Variants in CD276 observed in about 807,000 individuals in gnomAD.
CD276 encodes the protein CD276 antigen.
In CD276, 34 loss-of-function variants were observed where a neutral mutation model predicts 50.0. The ratio of observed to expected loss-of-function variants is 0.68; its 90% CI spans 0.52 to 0.91. The LOEUF is 0.91. Ranked by LOEUF, CD276 falls within the 40% of genes least tolerant of loss-of-function variation. The pLI, the probability that CD276 is intolerant of heterozygous loss-of-function variation, is 0.00. For missense variants in CD276, 634 were observed against 717.5 expected (o/e 0.88, Z 1.33); for synonymous variants, 275 against 313.0 (o/e 0.88, Z 1.28).
rs1281486680 is a variant in CD276, at chr15:73,713,004, TG to T, written c.*50del. 4.4e-6 allele frequency: 7 copies of T among 1,582,638 alleles called. No individual in the cohort carries two copies. Among genetic ancestry groups the T allele is most frequent in the Non-Finnish European group, 6.1e-6 (7 of 1,152,756 alleles). ...ACCCCTCCCTACAGCTCCTACCCTC[TG>T]GCTGCAATGGGGCTGCACTGTGAGC... On this transcript the variant is annotated 3_prime_UTR_variant, in exon 10 of 10. Coordinates refer to ENST00000318443, the MANE Select transcript of CD276 (RefSeq NM_001024736.2).
At chr15:73,685,276 AGC>A (rs1899701919) in intron 1 of CD276, among the ~76,000 whole-genome samples, 1 of 152,050 alleles carries the variant, frequency 6.6e-6, no homozygotes, top group African/African-American at 2.4e-5. Flanking sequence ...ATTGAATTCC[AGC>A]GCCCAGGGCC....
At chr15:73,689,188 CTGTG>C (rs58196751) in intron 1 of CD276, among the ~76,000 whole-genome samples, 8,030 of 142,488 alleles carry the variant, frequency 0.056, 217 homozygotes, top group Non-Finnish European at 0.064. Flanking sequence ...TCTGTGCCTC[CTGTG>C]TGTGTGTGTG....
rs570507606 is a variant in CD276, at chr15:73,705,566, G to A, written c.1369+1094G>A. ...AAGATGGAAAACACTCCCTTCCTGTGCTCTCCAGGAGAGAGTAGCTGCCCT... is the reference window on the plus strand; with the variant it reads ...AAGATGGAAAACACTCCCTTCCTGTACTCTCCAGGAGAGAGTAGCTGCCCT... On this transcript the variant is annotated intron_variant, in intron 6 of 9. Coordinates refer to ENST00000318443, the MANE Select transcript of CD276 (RefSeq NM_001024736.2). 3.9e-5 allele frequency among the ~76,000 whole-genome samples: 6 copies of A among 152,244 alleles called. No homozygotes were observed. In the South Asian group the frequency reaches 1.2e-3, roughly 32 times the overall value.
chr15:73,703,493 C>T (rs1368820329), intron 4 of CD276, among the ~76,000 whole-genome samples, 166 bp from the exon 5 acceptor site: 3 of 152,132 alleles, frequency 2.0e-5, no homozygotes, highest in African/African-American at 7.2e-5. Flanking sequence ...TGGGGAGACT[C>T]CATATCTGAG....
At chr15:73,709,488 G>C in intron 7 of CD276, 160 bp from the exon 8 acceptor site, 1 of 713,550 alleles carries the variant, frequency 1.4e-6, no homozygotes, top group Non-Finnish European at 2.5e-6. Flanking sequence ...GCTCTGCTGT[G>C]CTCTGCTCTC....
chr15:73,708,972 GGACATTGGTGGGTGGTGAGTT>G (rs1421129664), intron 7 of CD276, among the ~76,000 whole-genome samples: 1 of 152,218 alleles, frequency 6.6e-6, no homozygotes, highest in Non-Finnish European at 1.5e-5. Flanking sequence ...GTGGGTGAGA[GGACATTGGTGGGTGGTGAGTT>G]GACCCTGGTG....
At chr15:73,706,877 T>C (rs1302670683) in intron 6 of CD276, among the ~76,000 whole-genome samples, 2 of 152,194 alleles carry the variant, frequency 1.3e-5, no homozygotes, top group African/African-American at 2.4e-5. Flanking sequence ...AGGGGGAACA[T>C]AGAGACCCTC....
At chr15:73,694,034 G>C (rs1482102898) in intron 1 of CD276, among the ~76,000 whole-genome samples, 1 of 152,146 alleles carries the variant, frequency 6.6e-6, no homozygotes, top group African/African-American at 2.4e-5. Flanking sequence ...ACCACTGCAC[G>C]AATGACTGCC....
chr15:73,700,564 G>C (rs1299438778), intron 2 of CD276, among the ~76,000 whole-genome samples: 13 of 152,292 alleles, frequency 8.5e-5, no homozygotes, highest in Admixed American at 8.5e-4. Flanking sequence ...GGGGCACCCT[G>C]GTTCGACTGA....
Position 73,709,512 on chromosome 15 carries a change from T to A in CD276, c.1505-136T>A, listed in dbSNP as rs1186670160. 3.7e-6 allele frequency: 3 copies of A among 804,234 alleles called. No homozygotes were observed. In the Admixed American group the frequency reaches 6.3e-5, roughly 17 times the overall value. The allele number at this position is 804,234 out of a possible 1,614,324, so 49.8% of individuals were successfully genotyped here. A position where few individuals can be genotyped will look rare whatever the true frequency, so the allele number is the denominator to read the frequency against. On this transcript the variant is annotated intron_variant, in intron 7 of 9. Coordinates refer to ENST00000318443, the MANE Select transcript of CD276 (RefSeq NM_001024736.2). ...TGCTCTGCTCTCGGGCTCTAACCCG[T>A]GTCTAGCATTTGGTCCGCAGGTCAG... is the stretch of plus-strand genomic sequence containing the variant.
intron 2 of CD276, among the ~76,000 whole-genome samples, chr15:73,701,100 C>T (rs1900371178): frequency 6.6e-6 from 1 of 151,380 alleles, no homozygotes; most frequent in South Asian, 2.1e-4. Context: ...TTCACCATAT[C>T]TGCTAGGCTG....
intron 1 of CD276, chr15:73,685,231 G>C (rs558510798): frequency 3.3e-5 from 5 of 152,108 alleles, no homozygotes; most frequent in Non-Finnish European, 4.4e-5. Context: ...GAGGGAGGTG[G>C]GGACCCCGAG....
At chr15:73,703,168 C>T in intron 4 of CD276, 82 bp downstream of exon 4, 1 of 1,444,544 alleles carries the variant, frequency 6.9e-7, no homozygotes, top group Non-Finnish European at 9.3e-7. Context: ...TCTGGCCCCA[C>T]CTTCAATCTC....
intron 7 of CD276, among the ~76,000 whole-genome samples, chr15:73,709,221 G>A (rs1289763815): frequency 2.6e-5 from 4 of 152,144 alleles, no homozygotes; most frequent in Non-Finnish European, 4.4e-5. Flanking sequence ...GTGATGGGTG[G>A]GTGGGCTGGT....
intron 1 of CD276, among the ~76,000 whole-genome samples, chr15:73,698,913 T>C (rs530876293): frequency 9.2e-5 from 14 of 152,336 alleles, no homozygotes; most frequent in African/African-American, 3.4e-4. Context: ...ATCCAGTCTA[T>C]GCTGAGGAGC....
At chr15:73,688,403 T>C (rs1298763913) in intron 1 of CD276, among the ~76,000 whole-genome samples, 1 of 152,158 alleles carries the variant, frequency 6.6e-6, no homozygotes, top group East Asian at 1.9e-4. Context: ...GGGGTAGGGA[T>C]TGTTACCCCC....
chr15:73,708,573 G>A (rs1900747847), intron 7 of CD276, 100 bp downstream of exon 7: 1 of 1,362,246 alleles, frequency 7.3e-7, no homozygotes, highest in African/African-American at 1.4e-5. Context: ...TCTAGTGACA[G>A]AACGAGTGTG....
chr15:73,686,260 G>A (rs1899755180), intron 1 of CD276: 2 of 984,024 alleles, frequency 2.0e-6, no homozygotes, highest in Non-Finnish European at 2.4e-6. Context: ...AAGCTTTCCA[G>A]CTTACTCTAG....
At chr15:73,684,701 T>TG (rs1459154791) in intron 1 of CD276, 3 of 152,026 alleles carry the variant, frequency 2.0e-5, no homozygotes, top group Non-Finnish European at 2.9e-5. Flanking sequence ...CGCGGAGAGC[T>TG]GGGGGCTCCC....
Sources: allele counts gnomAD v4.1 joint callset (sites outside exome capture counted in the v4.1 genomes callset), GRCh38; gene constraint gnomAD v4.1.1; transcripts MANE v1.5; gene names NCBI Gene and HGNC (gene_info 2026-07-23, HGNC 2026-07-21).